CDK6: variants seen among roughly 807,000 people sequenced by gnomAD.
The protein encoded by CDK6 is cyclin-dependent kinase 6.
Under a neutral mutation model 37.1 loss-of-function variants are expected in CDK6, and 6 were observed. That is an observed-to-expected ratio of 0.16 (90% CI 0.09 to 0.32). The LOEUF (loss-of-function observed/expected upper bound fraction) is 0.32, where lower values mean the gene tolerates loss of function less well. Among genes scored for constraint, CDK6 ranks in the 10% least tolerant of loss-of-function variants. CDK6 has a pLI of 1.00. For missense variants in CDK6, 224 were observed against 418.9 expected (o/e 0.53, Z 4.06); for synonymous variants, 160 against 161.3 (o/e 0.99, Z 0.06).
chr7:92,684,887 A>G (rs1163546321), intron 4 of CDK6, among the ~76,000 whole-genome samples: 1 of 152,170 alleles, frequency 6.6e-6, no homozygotes, highest in Non-Finnish European at 1.5e-5. Flanking sequence ...TGACATAAGA[A>G]TTCTTTGGTT....
chr7:92,674,455 A>C (rs1797160760), intron 4 of CDK6, among the ~76,000 whole-genome samples: 1 of 152,258 alleles, frequency 6.6e-6, no homozygotes, highest in South Asian at 2.1e-4. Flanking sequence ...CTATCAAATT[A>C]ATCCTTTTAA....
intron 3 of CDK6, among the ~76,000 whole-genome samples, chr7:92,765,461 A>G (rs1027619225): frequency 2.0e-5 from 3 of 152,196 alleles, no homozygotes; most frequent in African/African-American, 7.2e-5. Context: ...GGCCCACCAC[A>G]GAGAACTGAA....
At chr7:92,789,696 A>T (rs1034319182) in intron 2 of CDK6, among the ~76,000 whole-genome samples, 2 of 152,184 alleles carry the variant, frequency 1.3e-5, no homozygotes, top group African/African-American at 2.4e-5. Context: ...ACCACTTAAG[A>T]GCCCCTACAG....
chr7:92,761,721 T>C (rs1205118753), intron 3 of CDK6, among the ~76,000 whole-genome samples: 2 of 152,218 alleles, frequency 1.3e-5, no homozygotes, highest in African/African-American at 2.4e-5. Context: ...AACTTGGTGA[T>C]AAATAAAGTA....
chr7:92,799,895 C>A (rs756999276), intron 2 of CDK6, among the ~76,000 whole-genome samples: 2 of 152,186 alleles, frequency 1.3e-5, no homozygotes, highest in Non-Finnish European at 2.9e-5. Flanking sequence ...CCTGAAAACA[C>A]ATGTAACTCA....
At chr7:92,657,082 A>C (rs919336775) in intron 5 of CDK6, among the ~76,000 whole-genome samples, 2 of 152,074 alleles carry the variant, frequency 1.3e-5, no homozygotes, top group South Asian at 4.1e-4. Flanking sequence ...AAACATATTA[A>C]ATAAATGTGT....
chr7:92,692,543 G>A (rs898575839), intron 4 of CDK6, among the ~76,000 whole-genome samples: 3 of 152,168 alleles, frequency 2.0e-5, no homozygotes, highest in African/African-American at 7.2e-5. Flanking sequence ...CAGCACTTTG[G>A]GAGGCCGAGG....
At chr7:92,653,360 G>A (rs1436351624) in intron 5 of CDK6, among the ~76,000 whole-genome samples, 5 of 152,202 alleles carry the variant, frequency 3.3e-5, no homozygotes. Context: ...TTGAAATCCT[G>A]ACACAGAAGA....
intron 5 of CDK6, among the ~76,000 whole-genome samples, chr7:92,632,705 T>TGCATACCTATATC (rs1254569836): frequency 6.6e-6 from 1 of 152,154 alleles, no homozygotes; most frequent in Non-Finnish European, 1.5e-5. Context: ...AACAAATTAT[T>TGCATACCTATATC]GCATACCTAT....
chr7:92,789,076 T>C (rs1432526218), intron 2 of CDK6, among the ~76,000 whole-genome samples: 1 of 152,132 alleles, frequency 6.6e-6, no homozygotes. Flanking sequence ...CAGTGAACTA[T>C]GACTGCACCA....
chr7:92,633,425 G>T (rs527584667), intron 5 of CDK6, among the ~76,000 whole-genome samples: 9 of 152,054 alleles, frequency 5.9e-5, no homozygotes, highest in Admixed American at 2.6e-4. Context: ...GACACATTGG[G>T]TTTGTGACAG....
chr7:92,774,705 T>C lies in CDK6; in HGVS notation c.360A>G (p.Glu120=). Residue 120 remains glutamate, a synonymous_variant, in exon 3 of 8, where the codon GAA becomes GAG. Coordinates refer to ENST00000424848, the MANE Select transcript of CDK6 (RefSeq NM_001145306.2). ...AGATGATTCTTGATACCTTTATGGT[T>C]TCAGTGGGCACTCCAGGCTCTGGAA... ...DKVPEPGVPT[E]TIKDMMFQLL... is the part of the protein sequence containing the mutation. 3 of 1,605,012 alleles carry C rather than the reference T, an allele frequency of 1.9e-6. No individual in the cohort carries two copies. Among genetic ancestry groups the C allele is most frequent in the Middle Eastern group, 3.3e-4 (2 of 6,044 alleles).
chr7:92,821,346 G>A (rs1374208773), intron 2 of CDK6, among the ~76,000 whole-genome samples: 1 of 152,070 alleles, frequency 6.6e-6, no homozygotes, highest in Non-Finnish European at 1.5e-5. Context: ...TAATGTCCCA[G>A]ACATCTTGGA....
At chr7:92,706,619 A>G (rs775856022) in intron 4 of CDK6, among the ~76,000 whole-genome samples, 14 of 152,168 alleles carry the variant, frequency 9.2e-5, no homozygotes, top group Non-Finnish European at 5.9e-5. Context: ...CCACAACTCA[A>G]TTTTTCTGTG....
chr7:92,705,008 T>C (rs746739801), intron 4 of CDK6, among the ~76,000 whole-genome samples: 6 of 152,244 alleles, frequency 3.9e-5, no homozygotes, highest in Non-Finnish European at 8.8e-5. Flanking sequence ...TTTAGAGAAA[T>C]ATTTTAAAAA....
At chr7:92,636,839 A>AT (rs1796184167) in intron 5 of CDK6, among the ~76,000 whole-genome samples, 1 of 151,948 alleles carries the variant, frequency 6.6e-6, no homozygotes, top group East Asian at 1.9e-4. Flanking sequence ...TAATTTTTGT[A>AT]TTTTTAGTGG....
chr7:92,683,868 G>A (rs1797391306), intron 4 of CDK6, among the ~76,000 whole-genome samples: 1 of 152,218 alleles, frequency 6.6e-6, no homozygotes, highest in South Asian at 2.1e-4. Context: ...GACTTAGATT[G>A]CAGCATTAGG....
chr7:92,776,645 T>A (rs1799858097), intron 2 of CDK6, among the ~76,000 whole-genome samples: 1 of 152,272 alleles, frequency 6.6e-6, no homozygotes, highest in African/African-American at 2.4e-5. Context: ...TTGATTTGCA[T>A]TTCTCTAATG....
rs184054027 is a variant in CDK6 at position 92,801,641 on chromosome 7, C to T, written c.234-26810G>A. Reference sequence around the variant, plus strand: ...TCCCTCCTTCCTTCCTTCTTCCCTCCCTTCTCTCTTTCTCTCTTTCTTTCT... The same window carrying T: ...TCCCTCCTTCCTTCCTTCTTCCCTCTCTTCTCTCTTTCTCTCTTTCTTTCT... On this transcript the variant is annotated intron_variant, in intron 2 of 7. Coordinates refer to ENST00000424848, the MANE Select transcript of CDK6 (RefSeq NM_001145306.2). Among the ~76,000 whole-genome samples, 280 of 151,198 alleles carry T rather than the reference C, an allele frequency of 1.9e-3. 1 individual carries two copies. The highest frequency in any genetic ancestry group is 5.4e-3 in the African/African-American group (223 of 41,186).
Sources: gnomAD v4.1 joint callset for allele counts (sites outside exome capture counted in the v4.1 genomes callset) on GRCh38, gnomAD v4.1.1 for gene constraint, MANE v1.5 for transcripts, NCBI Gene and HGNC (gene_info 2026-07-23, HGNC 2026-07-21) for gene names.